The following PDZD8 variants were observed in gnomAD, a reference collection of about 807,000 sequenced individuals.
PDZD8 encodes PDZ domain-containing protein 8.
A neutral mutation model predicts 85.8 loss-of-function variants in PDZD8; 14 were observed. The ratio of observed to expected loss-of-function variants is 0.16; its 90% CI spans 0.11 to 0.26. The LOEUF (loss-of-function observed/expected upper bound fraction) is 0.26. Among genes scored for constraint, PDZD8 ranks in the 10% least tolerant of loss-of-function variants. The pLI, the probability that PDZD8 is intolerant of heterozygous loss-of-function variation, is 1.00. For missense variants in PDZD8, 1,197 were observed against 1,424.3 expected (o/e 0.84, Z 2.57); for synonymous variants, 592 against 568.6 (o/e 1.04, Z -0.59).
chr10:117,341,215 C>T lies in PDZD8; in HGVS notation c.873-113G>A, dbSNP rs571617566. 1.1e-4 allele frequency: 129 copies of T among 1,129,830 alleles called. 1 individual carries two copies. Among genetic ancestry groups the T allele is most frequent in the South Asian group, 4.6e-4 (29 of 63,646 alleles). 70.0% of individuals were successfully genotyped at this position (1,129,830 alleles called of 1,614,324 possible). On this transcript the variant is annotated intron_variant, in intron 1 of 4. Transcript: ENST00000334464. ...AGCAAAATGAACACCTAATACTACA[C>T]GTGCTCTACAAAACCAAAGCTTACC...
intron 1 of PDZD8, among the ~76,000 whole-genome samples, chr10:117,373,641 G>C (rs1437081810): frequency 6.7e-6 from 1 of 149,038 alleles, no homozygotes; most frequent in Non-Finnish European, 1.5e-5. Context: ...TCAGCAAGGC[G>C]TGGTGCCATA....
intron 3 of PDZD8, among the ~76,000 whole-genome samples, chr10:117,292,883 A>G (rs764515937): frequency 6.6e-6 from 1 of 151,914 alleles, no homozygotes. Flanking sequence ...AATTTCAAGT[A>G]TGTACAGGGA....
chr10:117,287,442 A>G (rs999148891), intron 4 of PDZD8, among the ~76,000 whole-genome samples: 1 of 152,148 alleles, frequency 6.6e-6, no homozygotes, highest in Non-Finnish European at 1.5e-5. Flanking sequence ...TCTTCACTTT[A>G]GTTCTACATT....
chr10:117,312,601 G>A (rs762745060), intron 3 of PDZD8, among the ~76,000 whole-genome samples: 5 of 152,120 alleles, frequency 3.3e-5, no homozygotes, highest in African/African-American at 7.2e-5. Flanking sequence ...TTCTTTTAGC[G>A]TGAATCATCT....
intron 2 of PDZD8, among the ~76,000 whole-genome samples, chr10:117,338,252 A>T (rs1029002118): frequency 2.0e-5 from 3 of 152,184 alleles, no homozygotes; most frequent in Non-Finnish European, 2.9e-5. Context: ...CTTCATACAC[A>T]AATAATTCTT....
At chr10:117,339,967 T>C (rs766778466) in intron 2 of PDZD8, among the ~76,000 whole-genome samples, 4 of 152,140 alleles carry the variant, frequency 2.6e-5, no homozygotes. Context: ...GACTGACAAT[T>C]AGATTTGCAT....
chr10:117,375,170 G>T lies in PDZD8; in HGVS notation c.58C>A (p.Leu20Ile). The T allele has an allele frequency of 6.3e-7, 1 of 1,582,050 alleles. No individual in the cohort carries two copies. Among genetic ancestry groups the T allele is most frequent in the South Asian group, 1.1e-5 (1 of 88,832 alleles). ...SAVLGSFLTL[L>I]AQFFLLYRRQ... is the part of the protein sequence containing the mutation. Reference sequence around the variant, plus strand: ...CGGTACAGCAGGAAGAACTGGGCGAGGAGCGTGAGGAAGGAACCCAGCACG... The same window carrying T: ...CGGTACAGCAGGAAGAACTGGGCGATGAGCGTGAGGAAGGAACCCAGCACG... The change falls in exon 1 of 5, where the codon CTC becomes ATC. Residue 20 changes from leucine to isoleucine, a missense_variant. Around this residue, in one of 4 missense-constraint regions of PDZD8, gnomAD observed 172 missense variants for 137.8 expected, o/e 1.25. Coordinates refer to ENST00000334464, the MANE Select transcript of PDZD8 (RefSeq NM_173791.5).
At chr10:117,333,105 T>C (rs1345209463) in intron 2 of PDZD8, among the ~76,000 whole-genome samples, 1 of 85,902 alleles carries the variant, frequency 1.2e-5, no homozygotes, top group Non-Finnish European at 2.2e-5. Flanking sequence ...GACAGCAGAG[T>C]GGACTCTGTC....
rs1672548810 is a variant in PDZD8 at position 117,331,206 on chromosome 10, G to A, written c.995+9774C>T. Among the ~76,000 whole-genome samples the A allele has an allele frequency of 2.6e-5, 4 of 152,300 alleles. No homozygotes were observed. In the South Asian group the frequency reaches 8.3e-4, roughly 32 times the overall value. On this transcript the variant is annotated intron_variant, in intron 2 of 4. Coordinates refer to ENST00000334464, the MANE Select transcript of PDZD8 (RefSeq NM_173791.5). The stretch of plus-strand genomic sequence containing the variant: ...ATTCACTATTGATGTTGGAAAGACT[G>A]GTGGTAGTGTGGTGGAAGCAGTAGT...
In PDZD8 at chr10:117,374,043, C is replaced by G. The variant is rs1481849778; in HGVS notation, c.872+313G>C. On this transcript the variant is annotated intron_variant, in intron 1 of 4. Transcript: ENST00000334464. This position sits in a 1 kb window ranked among gnomAD's most constrained non-coding sequence, Gnocchi z 7.8. Reference sequence around the variant, plus strand: ...GAGAGTTTCTCAACAGTCCCAGAAGCGACTCCTGGGGATTAGGGTAGGCTT... The same window carrying G: ...GAGAGTTTCTCAACAGTCCCAGAAGGGACTCCTGGGGATTAGGGTAGGCTT... Among the ~76,000 whole-genome samples the G allele has an allele frequency of 6.6e-6, 1 of 152,170 alleles. No individual in the cohort carries two copies. The highest frequency in any genetic ancestry group is 1.5e-5 in the Non-Finnish European group (1 of 68,036).
chr10:117,345,827 T>G (rs1844695915), intron 1 of PDZD8, among the ~76,000 whole-genome samples: 1 of 152,204 alleles, frequency 6.6e-6, no homozygotes, highest in Non-Finnish European at 1.5e-5. Context: ...GGTAGTAGGC[T>G]TTGGAGAGAA....
At chr10:117,373,396 A>T (rs113400102) in intron 1 of PDZD8, among the ~76,000 whole-genome samples, 93 of 152,064 alleles carry the variant, frequency 6.1e-4, no homozygotes, top group African/African-American at 2.1e-3. Context: ...AAAATGGGCA[A>T]ATGACATTAA....
chr10:117,334,391 C>A (rs1360799141), intron 2 of PDZD8, among the ~76,000 whole-genome samples: 3 of 152,108 alleles, frequency 2.0e-5, no homozygotes, highest in Non-Finnish European at 2.9e-5. Context: ...TGCCTGTGGT[C>A]CCAGCTACTT....
At chr10:117,296,181 A>C (rs1457646924) in intron 3 of PDZD8, among the ~76,000 whole-genome samples, 1 of 59,916 alleles carries the variant, frequency 1.7e-5, no homozygotes, top group African/African-American at 4.2e-5. Context: ...TCAGAAAATT[A>C]TTACAATTAA....
At chr10:117,328,838 A>G (rs1844364269) in intron 2 of PDZD8, among the ~76,000 whole-genome samples, 1 of 152,172 alleles carries the variant, frequency 6.6e-6, no homozygotes, top group Non-Finnish European at 1.5e-5. Flanking sequence ...CTCCCTCCTC[A>G]GCCTCCCAAA....
intron 3 of PDZD8, among the ~76,000 whole-genome samples, chr10:117,311,194 C>T (rs891040935): frequency 6.6e-6 from 1 of 152,152 alleles, no homozygotes; most frequent in African/African-American, 2.4e-5. Flanking sequence ...TACTATAATG[C>T]ACCACATCTG....
intron 3 of PDZD8, among the ~76,000 whole-genome samples, chr10:117,303,481 T>A (rs908193749): frequency 6.6e-6 from 1 of 152,164 alleles, no homozygotes. Flanking sequence ...GACTATGCGA[T>A]AGAAAAGAAA....
In PDZD8 at chr10:117,283,342, T is replaced by C. The variant is rs1484038944; in HGVS notation, c.3391A>G (p.Ile1131Val). 1.2e-6 allele frequency: 2 copies of C among 1,614,182 alleles called. No individual in the cohort carries two copies. Among genetic ancestry groups the C allele is most frequent in the South Asian group, 2.2e-5 (2 of 91,086 alleles). Residue 1131 changes from isoleucine (I) to valine (V), a missense_variant, in exon 5 of 5, where the codon ATA becomes GTA. Around this residue, in one of 4 missense-constraint regions of PDZD8, gnomAD observed 418 missense variants for 571.1 expected, o/e 0.73. Transcript: ENST00000334464. ...GGCTGAGAGTCTATTAGTTGGCTTA[T>C]TTCATTATCAAGGTCTTCTTCTGTA... ...DDTEEDLDNE[I>V]SQLIDSQPFS...
chr10:117,316,102 T>C (rs1037576195), intron 3 of PDZD8, among the ~76,000 whole-genome samples: 2 of 152,196 alleles, frequency 1.3e-5, no homozygotes, highest in African/African-American at 4.8e-5. Flanking sequence ...TAATATCTAA[T>C]TTACTTATAC....
Sources: allele counts gnomAD v4.1 joint callset (sites outside exome capture counted in the v4.1 genomes callset), GRCh38; gene constraint gnomAD v4.1.1; regional missense constraint gnomAD v4.1.1; non-coding constraint Gnocchi (gnomAD v3.1); transcripts MANE v1.5; gene names NCBI Gene and HGNC (gene_info 2026-07-23, HGNC 2026-07-21).